The following FKBP3 variants were observed in gnomAD, a reference collection of about 807,000 sequenced individuals.
FKBP3 encodes the protein peptidyl-prolyl cis-trans isomerase FKBP3.
A neutral mutation model predicts 30.6 loss-of-function variants in FKBP3; 21 were observed. The observed-to-expected ratio is 0.69, with a 90% confidence interval of 0.49 to 0.99. FKBP3 has a LOEUF of 0.99. Ranked by LOEUF, FKBP3 falls within the 50% of genes least tolerant of loss-of-function variation. The pLI, the probability that FKBP3 is intolerant of heterozygous loss-of-function variation, is 0.00. For missense variants in FKBP3, 283 were observed against 261.6 expected (o/e 1.08, Z -0.56); for synonymous variants, 82 against 91.3 (o/e 0.90, Z 0.58).
At chr14:45,130,907 A>G (rs2139088149) in intron 1 of FKBP3, 107 bp from the exon 2 acceptor site, 1 of 583,858 alleles carries the variant, frequency 1.7e-6, no homozygotes, top group Admixed American at 3.3e-5. Flanking sequence ...CAGTAGTACT[A>G]GTACTGAAGA....
chr14:45,124,866 G>C (rs370733939), intron 3 of FKBP3, among the ~76,000 whole-genome samples: 18 of 152,154 alleles, frequency 1.2e-4, no homozygotes, highest in African/African-American at 4.3e-4. Context: ...TAGGACATTA[G>C]CCAATTTAGA....
Position 45,130,692 on chromosome 14 carries a change from T to C in FKBP3, c.210+7A>G, listed in dbSNP as rs760346522. On this transcript the variant is annotated splice_region_variant and intron_variant, in intron 2 of 6. Transcript: ENST00000396062. ...ATGTTCTGCTAACAGAATCTAACAA[T>C]ACTCACCTTAGTTTCAAAAAGATGG... 2 of 1,512,676 alleles carry C rather than the reference T, an allele frequency of 1.3e-6. No homozygotes were observed. Among genetic ancestry groups the C allele is most frequent in the Admixed American group, 1.9e-5 (1 of 51,838 alleles). 93.7% of individuals were successfully genotyped at this position (1,512,676 alleles called of 1,614,324 possible).
intron 5 of FKBP3, among the ~76,000 whole-genome samples, 195 bp from the exon 6 acceptor site, chr14:45,118,320 A>G (rs1884902354): frequency 6.6e-6 from 1 of 152,136 alleles, no homozygotes; most frequent in South Asian, 2.1e-4. Context: ...AAAAAAGGGT[A>G]TTTTAAGCAG....
At chr14:45,130,601 G>C (rs1885191233) in intron 2 of FKBP3, 98 bp downstream of exon 2, 2 of 673,002 alleles carry the variant, frequency 3.0e-6, no homozygotes, top group East Asian at 6.0e-5. Context: ...AGGTGGAAAA[G>C]CTCCAACACA....
chr14:45,133,620 A>G (rs1398853224), intron 1 of FKBP3, among the ~76,000 whole-genome samples: 1 of 152,252 alleles, frequency 6.6e-6, no homozygotes, highest in East Asian at 1.9e-4. Flanking sequence ...GAATGAACTT[A>G]TTTTCCAAAG....
At chr14:45,120,590 A>T (rs1392887384) in intron 5 of FKBP3, among the ~76,000 whole-genome samples, 1 of 152,174 alleles carries the variant, frequency 6.6e-6, no homozygotes, top group Non-Finnish European at 1.5e-5. Context: ...AAAATAATAA[A>T]ATGGGTACAC....
chr14:45,116,069 T>A lies in FKBP3; in HGVS notation c.*129A>T. On this transcript the variant is annotated 3_prime_UTR_variant, in exon 7 of 7. Coordinates refer to ENST00000396062, the MANE Select transcript of FKBP3 (RefSeq NM_002013.4). Reference sequence around the variant, plus strand: ...GCTGGGACCAAGTAAACAAATTTTATTAACTCCTTGAATTTTCCAGTTGAC... The same window carrying A: ...GCTGGGACCAAGTAAACAAATTTTAATAACTCCTTGAATTTTCCAGTTGAC... The A allele has an allele frequency of 3.1e-6, 2 of 645,522 alleles. No individual in the cohort carries two copies. Among genetic ancestry groups the A allele is most frequent in the South Asian group, 2.1e-5 (1 of 48,478 alleles). 40.0% of individuals were successfully genotyped at this position (645,522 alleles called of 1,614,324 possible).
Position 45,123,602 on chromosome 14 carries a change from CTTTTTTTTTT to C in FKBP3, c.319-1992_319-1983del, listed in dbSNP as rs200242313. On this transcript the variant is annotated intron_variant, in intron 3 of 6. Coordinates refer to ENST00000396062, the MANE Select transcript of FKBP3 (RefSeq NM_002013.4). ...ACTCTGCTTAAATCCCTCTCTACTC[CTTTTTTTTTT>C]TTTTTTTTTTTTTTTTTTTTCAGAT... Among the ~76,000 whole-genome samples the C allele has an allele frequency of 3.5e-3, 294 of 84,276 alleles. 5 individuals carry two copies. Among genetic ancestry groups the C allele is most frequent in the African/African-American group, 0.017 (275 of 15,934 alleles). 55.3% of individuals were successfully genotyped at this position (84,276 alleles called of 152,430 possible).
chr14:45,123,602 CTTTTTTTT>C (rs200242313), intron 3 of FKBP3, among the ~76,000 whole-genome samples: 3 of 84,300 alleles, frequency 3.6e-5, no homozygotes, highest in Non-Finnish European at 2.1e-5. Flanking sequence ...CTCTCTACTC[CTTTTTTTT>C]TTTTTTTTTT....
chr14:45,129,065 A>C (rs549763286), intron 3 of FKBP3, among the ~76,000 whole-genome samples: 1 of 152,268 alleles, frequency 6.6e-6, no homozygotes, highest in South Asian at 2.1e-4. Flanking sequence ...ATAAACATCT[A>C]TAATTGTATA....
At chr14:45,134,206 G>A in intron 1 of FKBP3, 143 bp downstream of exon 1, 1 of 683,168 alleles carries the variant, frequency 1.5e-6, no homozygotes, top group Non-Finnish European at 2.5e-6. Context: ...CAAAGCACAA[G>A]CTGGGCCTCT....
intron 3 of FKBP3, among the ~76,000 whole-genome samples, chr14:45,123,417 A>G (rs573475255): frequency 6.3e-4 from 96 of 151,636 alleles, no homozygotes; most frequent in African/African-American, 2.3e-3. Context: ...CTGCCAAAAA[A>G]AATTTACTGT....
intron 3 of FKBP3, among the ~76,000 whole-genome samples, chr14:45,125,026 C>G (rs1256588242): frequency 6.6e-6 from 1 of 152,198 alleles, no homozygotes; most frequent in African/African-American, 2.4e-5. Context: ...AAGCAATTCT[C>G]CTGCCTCAGC....
intron 5 of FKBP3, 125 bp downstream of exon 5, chr14:45,120,762 C>G: frequency 1.4e-6 from 1 of 727,064 alleles, no homozygotes; most frequent in Non-Finnish European, 2.3e-6. Context: ...ATGATTATAC[C>G]CAATCTGTCA....
chr14:45,122,317 T>C (rs1168126114), intron 3 of FKBP3, among the ~76,000 whole-genome samples: 2 of 152,194 alleles, frequency 1.3e-5, no homozygotes, highest in African/African-American at 4.8e-5. Flanking sequence ...AAAAGTATCC[T>C]TACCTAAATC....
chr14:45,125,902 AATT>A (rs1010098842), intron 3 of FKBP3, among the ~76,000 whole-genome samples: 2 of 151,794 alleles, frequency 1.3e-5, no homozygotes, highest in Admixed American at 6.6e-5. Flanking sequence ...AAAGAAAAAA[AATT>A]TTTTTTTTTT....
chr14:45,123,171 G>T (rs1566705194), intron 3 of FKBP3, among the ~76,000 whole-genome samples: 1 of 144,104 alleles, frequency 6.9e-6, no homozygotes, highest in Non-Finnish European at 1.5e-5. Context: ...ACAGAGCAAG[G>T]CTCCATCTAA....
At chr14:45,117,357 A>G (rs1190488288) in intron 6 of FKBP3, among the ~76,000 whole-genome samples, 1 of 152,252 alleles carries the variant, frequency 6.6e-6, no homozygotes, top group Non-Finnish European at 1.5e-5. Context: ...TGCCTCCCAA[A>G]GGACTTGTTT....
intron 3 of FKBP3, among the ~76,000 whole-genome samples, chr14:45,123,109 C>G (rs1431989013): frequency 6.6e-6 from 1 of 150,756 alleles, no homozygotes; most frequent in African/African-American, 2.4e-5. Context: ...AGGAGAATCA[C>G]TTGAATCCAG....
Sources: gnomAD v4.1 joint callset for allele counts (sites outside exome capture counted in the v4.1 genomes callset) on GRCh38, gnomAD v4.1.1 for gene constraint, MANE v1.5 for transcripts, NCBI Gene and HGNC (gene_info 2026-07-23, HGNC 2026-07-21) for gene names.